The following ZNF587 variants were observed in gnomAD, a reference collection of about 807,000 sequenced individuals.
ZNF587 encodes the protein zinc finger protein 587, also known as zinc finger protein zfp6.
ZNF587 carries 8 observed loss-of-function variants against 7.5 expected under a neutral mutation model. That is an observed-to-expected ratio of 1.06 (90% CI 0.62 to 1.92). ZNF587 has a LOEUF of 1.92. Among genes scored for constraint, ZNF587 ranks in the 40% most tolerant of loss-of-function variants. The probability of loss-of-function intolerance (pLI) is 0.00; values close to 1 mark genes in which losing one functional copy is unlikely to be tolerated. For synonymous variants in ZNF587, 145 were observed against 237.8 expected (o/e 0.61, Z 3.59); for missense variants, 468 against 692.8 (o/e 0.68, Z 3.64).
chr19:57,864,435 C>CA lies in ZNF587; in HGVS notation c.*4295_*4296insA, dbSNP rs2071479885. ...GCATCTGCCACCGCACTCGGCTTAT[C>CA]CCTAGAAATCCTATGATAGCATGAT... On this transcript the variant is annotated 3_prime_UTR_variant, in exon 3 of 3. Transcript: ENST00000339656. The CA allele has an allele frequency of 6.6e-6, 1 of 151,906 alleles. No homozygotes were observed. The highest frequency in any genetic ancestry group is 2.1e-4 in the South Asian group (1 of 4,810). The allele number at this position is 151,906 out of a possible 1,614,324, so 9.4% of individuals were successfully genotyped here.
At position 57,859,434 on chromosome 19, in the gene ZNF587, A is replaced by G. The variant is rs759704727; in HGVS notation, c.1022A>G (p.Gln341Arg). 71 of 1,611,334 alleles carry G rather than the reference A, an allele frequency of 4.4e-5. No homozygotes were observed. Among genetic ancestry groups the G allele is most frequent in the Non-Finnish European group, 5.6e-5 (66 of 1,179,978 alleles). Residue 341 changes from glutamine to arginine, a missense_variant, in exon 3 of 3, where the codon CAA (glutamine) becomes CGA (arginine). Around this residue, in one of 5 missense-constraint regions of ZNF587, gnomAD observed 310 missense variants for 325.6 expected, o/e 0.95. Coordinates refer to ENST00000339656, the MANE Select transcript of ZNF587 (RefSeq NM_032828.4). ...KSFGQKGNLI[Q>R]HQQGHTGERA... Reference sequence around the variant, plus strand: ...TTTGGTCAAAAGGGTAACCTCATTCAACATCAGCAAGGTCACACTGGAGAG... The same window carrying G: ...TTTGGTCAAAAGGGTAACCTCATTCGACATCAGCAAGGTCACACTGGAGAG...
Position 57,856,229 on chromosome 19 carries a change from G to T in ZNF587, c.159G>T (p.Ser53=). Residue 53 remains serine (S), a synonymous_variant, in exon 2 of 3, where the codon TCG becomes TCT. Coordinates refer to ENST00000339656, the MANE Select transcript of ZNF587 (RefSeq NM_032828.4). ...TAGAGAACCTGGCTCTCATATCCTC[G>T]CTGGGTAAGTTGCTCACGCTCACCT... ...VMLENLALIS[S]LGCWCGSKDE... is the part of the protein sequence containing the mutation. The T allele has an allele frequency of 2.5e-6, 4 of 1,576,820 alleles. No homozygotes were observed. The highest frequency in any genetic ancestry group is 3.4e-6 in the Non-Finnish European group (4 of 1,159,784).
chr19:57,854,426 T>G (rs1394017987), intron 1 of ZNF587, among the ~76,000 whole-genome samples: 1 of 152,110 alleles, frequency 6.6e-6, no homozygotes, highest in Admixed American at 6.5e-5. Context: ...TTTGTATTTG[T>G]CAAGCATAGT....
chr19:57,851,021 A>G (rs1395727994), intron 1 of ZNF587: 2 of 152,962 alleles, frequency 1.3e-5, no homozygotes, highest in Admixed American at 1.3e-4. Context: ...TGAGCAACCC[A>G]TGGAATGCTG....
In ZNF587 at chr19:57,860,294, A is replaced by C. The variant is rs1568509824; in HGVS notation, c.*154A>C. 1 of 1,437,864 alleles carries C rather than the reference A, an allele frequency of 7.0e-7. No homozygotes were observed. Among genetic ancestry groups the C allele is most frequent in the African/African-American group, 1.4e-5 (1 of 70,604 alleles). 89.1% of individuals were successfully genotyped at this position (1,437,864 alleles called of 1,614,324 possible). The stretch of plus-strand genomic sequence containing the variant: ...CTTAAGCGACTTCGTGTTGAGATGG[A>C]GTCTTGTTCTGTCACCCAGGCTGGA... On this transcript the variant is annotated 3_prime_UTR_variant, in exon 3 of 3. Coordinates refer to ENST00000339656, the MANE Select transcript of ZNF587 (RefSeq NM_032828.4).
rs1280690439 is a variant in ZNF587, at chr19:57,861,008, C to CCATGTG, written c.*870_*871insTGTGCA. 1 of 152,042 alleles carries CCATGTG rather than the reference C, an allele frequency of 6.6e-6. No homozygotes were observed. The highest frequency in any genetic ancestry group is 2.4e-5 in the African/African-American group (1 of 41,348). The allele number at this position is 152,042 out of a possible 1,614,324, so 9.4% of individuals were successfully genotyped here. A position where few individuals can be genotyped will look rare whatever the true frequency, so the allele number is the denominator to read the frequency against. ...GAGTAGCAGGGATTACCGGTGTGCA[C>CCATGTG]CACCATGCCTGGATAACTTTTTTTT... On this transcript the variant is annotated 3_prime_UTR_variant, in exon 3 of 3. Transcript: ENST00000339656.
chr19:57,859,846 C>A lies in ZNF587; in HGVS notation c.1434C>A (p.Ser478Arg). The A allele has an allele frequency of 6.2e-7, 1 of 1,614,098 alleles. No individual in the cohort carries two copies. Among genetic ancestry groups the A allele is most frequent in the South Asian group, 1.1e-5 (1 of 91,092 alleles). ...GGAAATTATTTGGCAATAAGCACAGCGTGACTATACATCAGAGGATTCACA... is the reference window on the plus strand; with the variant it reads ...GGAAATTATTTGGCAATAAGCACAGAGTGACTATACATCAGAGGATTCACA... The part of the protein sequence containing the change: ...VCGKLFGNKH[S>R]VTIHQRIHTG... The change falls in exon 3 of 3, where the codon AGC becomes AGA. Residue 478 changes from serine to arginine, a missense_variant. By Grantham distance (110) the Ser-to-Arg change is moderately radical. Coordinates refer to ENST00000339656, the MANE Select transcript of ZNF587 (RefSeq NM_032828.4).
At chr19:57,851,688 GGGCTGTGCATTCATCATGA>G (rs1383449431) in intron 1 of ZNF587, 2 of 152,218 alleles carry the variant, frequency 1.3e-5, no homozygotes, top group African/African-American at 2.4e-5. Flanking sequence ...AGCAGGCCAG[GGGCTGTGCATTCATCATGA>G]GGATTCTAGA....
chr19:57,859,801 A>G lies in ZNF587; in HGVS notation c.1389A>G (p.Pro463=). 1.2e-6 allele frequency: 2 copies of G among 1,613,540 alleles called. No homozygotes were observed. The highest frequency in any genetic ancestry group is 2.2e-5 in the South Asian group (2 of 91,044). Residue 463 remains proline (P), a synonymous_variant, in exon 3 of 3, where the codon CCA becomes CCG. Coordinates refer to ENST00000339656, the MANE Select transcript of ZNF587 (RefSeq NM_032828.4). The part of the protein sequence containing the change: ...VHERVHTGER[P]YACEVCGKLF... ...AGAGAGTTCACACTGGAGAAAGGCC[A>G]TATGCGTGTGAGGTATGTGGGAAAT...
At position 57,859,275 on chromosome 19, in the gene ZNF587, G is replaced by A. The variant is rs577840531; in HGVS notation, c.863G>A (p.Arg288Gln). The A allele has an allele frequency of 7.7e-5, 121 of 1,571,472 alleles. 5 individuals are homozygous for A. The South Asian group carries it at 8.3e-4, about 11-fold the overall frequency. ...SRKSSLIQHQRVHTGQTAYPC... is the reference protein window; with the variant it reads ...SRKSSLIQHQQVHTGQTAYPC... Reference sequence around the variant, plus strand: ...AAGAGCAGCCTTATTCAACATCAGCGAGTCCACACTGGACAGACAGCTTAT... The same window carrying A: ...AAGAGCAGCCTTATTCAACATCAGCAAGTCCACACTGGACAGACAGCTTAT... Residue 288 changes from arginine (R) to glutamine (Q), a missense_variant, in exon 3 of 3, where the codon CGA becomes CAA. This residue lies in a region of ZNF587 where 20 missense variants were observed against 44.9 expected (regional missense o/e 0.45). Coordinates refer to ENST00000339656, the MANE Select transcript of ZNF587 (RefSeq NM_032828.4).
rs1399476712 is a variant in ZNF587 at position 57,864,959 on chromosome 19, T to C, written c.*4819T>C. ...ACAAAAAAATTCTTTATTTTCTCCA[T>C]AAACTACAGTTTATATAAGCAAAAG... On this transcript the variant is annotated 3_prime_UTR_variant, in exon 3 of 3. Coordinates refer to ENST00000339656, the MANE Select transcript of ZNF587 (RefSeq NM_032828.4). 3 of 152,210 alleles carry C rather than the reference T, an allele frequency of 2.0e-5. No individual in the cohort carries two copies. The highest frequency in any genetic ancestry group is 7.2e-5 in the African/African-American group (3 of 41,458). The allele number at this position is 152,210 out of a possible 1,614,324, so 9.4% of individuals were successfully genotyped here.
In ZNF587 at chr19:57,862,483, C is replaced by G. The variant is rs1157688238; in HGVS notation, c.*2343C>G. ...ATCCACATTAACTAATTTCCTCACT[C>G]CAAGCTCTTTTCTAGAGATAATCTC... On this transcript the variant is annotated 3_prime_UTR_variant, in exon 3 of 3. Coordinates refer to ENST00000339656, the MANE Select transcript of ZNF587 (RefSeq NM_032828.4). 1 of 153,656 alleles carries G rather than the reference C, an allele frequency of 6.5e-6. No homozygotes were observed. Among genetic ancestry groups the G allele is most frequent in the African/African-American group, 2.4e-5 (1 of 41,464 alleles). The allele number at this position is 153,656 out of a possible 1,614,324, so 9.5% of individuals were successfully genotyped here. A position where few individuals can be genotyped will look rare whatever the true frequency, so the allele number is the denominator to read the frequency against.
chr19:57,855,340 G>C (rs965997862), intron 1 of ZNF587, among the ~76,000 whole-genome samples: 6 of 152,088 alleles, frequency 3.9e-5, no homozygotes, highest in African/African-American at 1.4e-4. Context: ...GCTAGACTAT[G>C]TCTCAAAAAA....
At chr19:57,854,744 AATTTT>A (rs1231773007) in intron 1 of ZNF587, among the ~76,000 whole-genome samples, 20 of 152,176 alleles carry the variant, frequency 1.3e-4, no homozygotes, top group Admixed American at 7.9e-4. Context: ...CTTGTGAAAT[AATTTT>A]ATTTGTAGGC....
Position 57,849,929 on chromosome 19 carries a change from G to A in ZNF587, c.-110G>A. The A allele has an allele frequency of 6.2e-7, 1 of 1,601,130 alleles. No individual in the cohort carries two copies. Reference sequence around the variant, plus strand: ...GCCCCTGAGTGCTGGGTGGGACCGCGGTGACTGAACCTAGAAGGTGGAGAG... The same window carrying A: ...GCCCCTGAGTGCTGGGTGGGACCGCAGTGACTGAACCTAGAAGGTGGAGAG... On this transcript the variant is annotated 5_prime_UTR_variant, in exon 1 of 3. Coordinates refer to ENST00000339656, the MANE Select transcript of ZNF587 (RefSeq NM_032828.4).
intron 1 of ZNF587, among the ~76,000 whole-genome samples, chr19:57,853,399 A>C (rs1342961444): frequency 6.6e-6 from 1 of 152,234 alleles, no homozygotes; most frequent in Non-Finnish European, 1.5e-5. Flanking sequence ...GAGGGTGTTG[A>C]TACTGGAGAC....
chr19:57,853,095 C>T (rs1030867543), intron 1 of ZNF587, among the ~76,000 whole-genome samples: 2 of 151,826 alleles, frequency 1.3e-5, no homozygotes, highest in African/African-American at 4.8e-5. Flanking sequence ...TCAGGAGATT[C>T]GCTGGCCTCT....
Position 57,849,947 on chromosome 19 carries a change from G to A in ZNF587, c.-92G>A, listed in dbSNP as rs1023711167. 1.4e-5 allele frequency: 23 copies of A among 1,611,512 alleles called. No individual in the cohort carries two copies. The African/African-American group carries it at 2.8e-4, about 20-fold the overall frequency. On this transcript the variant is annotated 5_prime_UTR_variant, in exon 1 of 3. The change creates a new upstream start codon in the 5' untranslated region. Coordinates refer to ENST00000339656, the MANE Select transcript of ZNF587 (RefSeq NM_032828.4). ...GGACCGCGGTGACTGAACCTAGAAG[G>A]TGGAGAGGAATCGTCCTCGGTGCCC...
At chr19:57,852,066 G>A (rs2071287705) in intron 1 of ZNF587, 2 of 332,008 alleles carry the variant, frequency 6.0e-6, no homozygotes, top group East Asian at 9.0e-5. Flanking sequence ...GGAAGTGGAG[G>A]GTGTTCCATT....
Sources: gnomAD v4.1 joint callset for allele counts (sites outside exome capture counted in the v4.1 genomes callset) on GRCh38, gnomAD v4.1.1 for gene constraint, gnomAD v4.1.1 regional missense constraint, MANE v1.5 for transcripts, NCBI Gene and HGNC (gene_info 2026-07-23, HGNC 2026-07-21) for gene names.